The following BOC variants were observed in gnomAD, a reference collection of about 807,000 sequenced individuals.
BOC encodes the protein BOC cell adhesion associated, oncogene regulated.
A neutral mutation model predicts 112.0 loss-of-function variants in BOC; 76 were observed. The ratio of observed to expected loss-of-function variants is 0.68; its 90% CI spans 0.56 to 0.82. The LOEUF is 0.82. BOC is among the 40% of genes least tolerant of loss of function. BOC has a pLI of 0.00. For synonymous variants in BOC, 580 were observed against 599.8 expected (o/e 0.97, Z 0.48); for missense variants, 1,309 against 1,511.7 (o/e 0.87, Z 2.22).
chr3:113,222,966 C>T (rs1353067666), intron 2 of BOC, among the ~76,000 whole-genome samples: 2 of 152,224 alleles, frequency 1.3e-5, no homozygotes, highest in African/African-American at 4.8e-5. Flanking sequence ...ACGGTCCCTG[C>T]CATTGGAGAG....
intron 4 of BOC, among the ~76,000 whole-genome samples, chr3:113,256,343 A>C (rs956699629): frequency 6.6e-6 from 1 of 152,200 alleles, no homozygotes; most frequent in African/African-American, 2.4e-5. Flanking sequence ...CCTTATATAC[A>C]TGTGCTCTCT....
intron 2 of BOC, among the ~76,000 whole-genome samples, chr3:113,232,097 T>C (rs895210626): frequency 6.6e-6 from 1 of 151,916 alleles, no homozygotes; most frequent in Non-Finnish European, 1.5e-5. Flanking sequence ...AGGCTAGAAT[T>C]ATCCCCACCC....
At chr3:113,267,107 G>A (rs755879165) in intron 4 of BOC, among the ~76,000 whole-genome samples, 5 of 152,142 alleles carry the variant, frequency 3.3e-5, no homozygotes, top group South Asian at 2.1e-4. Flanking sequence ...GCCAGTATTC[G>A]GAGAAGGTGC....
At chr3:113,225,623 A>G (rs1941542571) in intron 2 of BOC, among the ~76,000 whole-genome samples, 1 of 152,250 alleles carries the variant, frequency 6.6e-6, no homozygotes, top group Non-Finnish European at 1.5e-5. Flanking sequence ...CTAATATTAC[A>G]TGTCCCAGGT....
At position 113,283,587 on chromosome 3, in the gene BOC, G is replaced by T; in HGVS notation, c.2611G>T (p.Val871Phe). ...CCTGGGCTCCATCGTTCTCATCATC[G>T]TCACCTTCATCCCCTTCTGCTTGTG... ...VVLGSIVLII[V>F]TFIPFCLWRA... Residue 871 changes from valine to phenylalanine, a missense_variant, in exon 16 of 20, where the codon GTC becomes TTC. Coordinates refer to ENST00000682979, the MANE Select transcript of BOC (RefSeq NM_001378074.1). The T allele has an allele frequency of 6.2e-7, 1 of 1,613,674 alleles. No individual in the cohort carries two copies. Among genetic ancestry groups the T allele is most frequent in the Non-Finnish European group, 8.5e-7 (1 of 1,179,932 alleles).
At chr3:113,231,476 G>A (rs1166679399) in intron 2 of BOC, among the ~76,000 whole-genome samples, 1 of 152,194 alleles carries the variant, frequency 6.6e-6, no homozygotes, top group Non-Finnish European at 1.5e-5. Context: ...ATTTCTCAAA[G>A]AGTATTTGGT....
At chr3:113,234,356 T>G (rs1035269985) in intron 2 of BOC, among the ~76,000 whole-genome samples, 1 of 152,146 alleles carries the variant, frequency 6.6e-6, no homozygotes, top group African/African-American at 2.4e-5. Flanking sequence ...CCTGTGTGTG[T>G]GTATGTGTGC....
chr3:113,276,088 C>G (rs1420322302), intron 9 of BOC, among the ~76,000 whole-genome samples: 1 of 152,182 alleles, frequency 6.6e-6, no homozygotes, highest in African/African-American at 2.4e-5. Context: ...GGTCCTAATC[C>G]TATTTCCCCA....
chr3:113,236,260 G>GTATATATACCCA (rs1943443428), intron 2 of BOC, among the ~76,000 whole-genome samples: 2 of 35,812 alleles, frequency 5.6e-5, no homozygotes, highest in African/African-American at 1.4e-4. Context: ...GTGTGTGTGT[G>GTATATATACCCA]TGTGTGTATA....
intron 4 of BOC, among the ~76,000 whole-genome samples, chr3:113,260,905 TC>T (rs893021183): frequency 1.3e-5 from 2 of 151,710 alleles, no homozygotes; most frequent in East Asian, 1.9e-4. Flanking sequence ...CCCAAAACCA[TC>T]CCCCCCAGTC....
At chr3:113,282,929 G>A (rs1949327945) in intron 15 of BOC, among the ~76,000 whole-genome samples, 1 of 152,172 alleles carries the variant, frequency 6.6e-6, no homozygotes, top group African/African-American at 2.4e-5. Context: ...CATGTACTGT[G>A]TGTCCTCGTG....
intron 2 of BOC, among the ~76,000 whole-genome samples, chr3:113,247,193 T>C (rs1366922019): frequency 6.6e-6 from 1 of 152,004 alleles, no homozygotes; most frequent in Non-Finnish European, 1.5e-5. Flanking sequence ...TTCCTTCCCT[T>C]CTTGGGGCAT....
intron 9 of BOC, among the ~76,000 whole-genome samples, chr3:113,276,584 G>C (rs541618852): frequency 2.6e-5 from 4 of 152,324 alleles, no homozygotes; most frequent in Non-Finnish European, 5.9e-5. Flanking sequence ...ATTTGAAATC[G>C]AAAGTCAGCA....
At chr3:113,285,636 G>A (rs549434564) in intron 19 of BOC, 71 bp downstream of exon 19, 2 of 1,379,952 alleles carry the variant, frequency 1.4e-6, no homozygotes, top group African/African-American at 2.9e-5. Flanking sequence ...CCACAAGCCA[G>A]TAGTAACAGT....
At chr3:113,279,122 C>A in intron 11 of BOC, 127 bp from the exon 12 acceptor site, 1 of 950,150 alleles carries the variant, frequency 1.1e-6, no homozygotes, top group Non-Finnish European at 1.6e-6. Flanking sequence ...GGGTGGAGGG[C>A]TGTGGGGAGG....
chr3:113,240,187 A>G (rs1175889094), intron 2 of BOC, among the ~76,000 whole-genome samples: 1 of 152,210 alleles, frequency 6.6e-6, no homozygotes, highest in Non-Finnish European at 1.5e-5. Context: ...GAAACTAGAG[A>G]TTGATGATGC....
chr3:113,277,960 C>A, intron 9 of BOC, 135 bp from the exon 10 acceptor site: 2 of 1,197,458 alleles, frequency 1.7e-6, no homozygotes, highest in Non-Finnish European at 2.4e-6. Context: ...GGCTGTGCCA[C>A]CCTAACCCCA....
In BOC at chr3:113,273,141, AG is replaced by A. The variant is rs1301844394; in HGVS notation, c.1036del (p.Val346CysfsTer12). On this transcript the variant is annotated frameshift_variant, in exon 8 of 20. Transcript: ENST00000682979. LOFTEE classifies it high-confidence loss of function. ...PWGQSAKLTC[E>X]VRGNPPPSVL... ...GGCCAGAGTGCCAAGCTTACCTGTG[AG>A]GTGCGTGGGAACCCCCCGCCCTCCG... 3.5e-5 allele frequency: 56 copies of A among 1,613,696 alleles called. No individual in the cohort carries two copies. Among genetic ancestry groups the A allele is most frequent in the Non-Finnish European group, 4.7e-5 (56 of 1,179,810 alleles).
intron 15 of BOC, among the ~76,000 whole-genome samples, 191 bp downstream of exon 15, chr3:113,281,344 G>A (rs1393460761): frequency 6.6e-6 from 1 of 152,166 alleles, no homozygotes; most frequent in East Asian, 1.9e-4. Context: ...AGACCATGAT[G>A]ACACCTTCAA....
Sources: gnomAD v4.1 joint callset for allele counts (sites outside exome capture counted in the v4.1 genomes callset) on GRCh38, gnomAD v4.1.1 for gene constraint, MANE v1.5 for transcripts, NCBI Gene and HGNC (gene_info 2026-07-23, HGNC 2026-07-21) for gene names.